ARHGAP24: variants seen among roughly 807,000 people sequenced by gnomAD.
ARHGAP24 encodes rho GTPase-activating protein 24.
Under a neutral mutation model 76.4 loss-of-function variants are expected in ARHGAP24, and 50 were observed. The observed-to-expected ratio is 0.65, with a 90% confidence interval of 0.52 to 0.83. The LOEUF (loss-of-function observed/expected upper bound fraction) is 0.83, where lower values mean the gene tolerates loss of function less well. Ranked by LOEUF, ARHGAP24 falls within the 40% of genes least tolerant of loss-of-function variation. The probability of loss-of-function intolerance (pLI) is 0.00; values close to 1 mark genes in which losing one functional copy is unlikely to be tolerated. For missense variants in ARHGAP24, 930 were observed against 914.2 expected, an observed-to-expected ratio of 1.02 and a Z score of -0.22; for synonymous variants, 345 against 323.3, an observed-to-expected ratio of 1.07 and a Z score of -0.72.
chr4:85,686,761 A>C (rs1260824945), intron 2 of ARHGAP24: 2 of 151,520 alleles, frequency 1.3e-5, no homozygotes, highest in Non-Finnish European at 2.9e-5. Flanking sequence ...TAGCATTACT[A>C]ATCAAAAGCC....
rs548168157 is a variant in ARHGAP24, at chr4:85,550,198, G to A, written c.-20-20324G>A. On this transcript the variant is annotated intron_variant, in intron 1 of 9. Coordinates refer to ENST00000395184, the MANE Select transcript of ARHGAP24 (RefSeq NM_001025616.3). ...CACCAAACTGCTTTTCACAATGGCC[G>A]AACAAATTTACATACCCACCATATG... 2.1e-3 allele frequency among the ~76,000 whole-genome samples: 317 copies of A among 152,222 alleles called. 2 individuals carry two copies. The highest frequency in any genetic ancestry group is 7.0e-3 in the African/African-American group (291 of 41,526).
chr4:85,887,731 G>A (rs551798436), intron 3 of ARHGAP24, among the ~76,000 whole-genome samples: 1 of 152,234 alleles, frequency 6.6e-6, no homozygotes, highest in African/African-American at 2.4e-5. Flanking sequence ...ATGCTTAGGT[G>A]AATTTTGATC....
intron 3 of ARHGAP24, among the ~76,000 whole-genome samples, chr4:85,846,977 T>G (rs1730929351): frequency 6.6e-6 from 1 of 152,208 alleles, no homozygotes; most frequent in Admixed American, 6.5e-5. Context: ...TATGTGTTCT[T>G]CTGAGAGATC....
In ARHGAP24 at chr4:85,581,144, T is replaced by C. The variant is rs1184579894; in HGVS notation, c.180+10423T>C. Among the ~76,000 whole-genome samples, 5 of 152,142 alleles carry C rather than the reference T, an allele frequency of 3.3e-5. No individual in the cohort carries two copies. In the East Asian group the frequency reaches 9.6e-4, roughly 29 times the overall value. ...ATAATATTCTATACTGCTTATGAGC[T>C]AGGTACCTTGCCATATACACAAATA... On this transcript the variant is annotated intron_variant, in intron 2 of 9. Transcript: ENST00000395184.
At chr4:85,655,120 G>A (rs949437007) in intron 2 of ARHGAP24, among the ~76,000 whole-genome samples, 1 of 151,880 alleles carries the variant, frequency 6.6e-6, no homozygotes, top group African/African-American at 2.4e-5. Flanking sequence ...CTCTTTTTAG[G>A]CTTATTTGGG....
At chr4:85,933,098 G>C (rs1008524136) in intron 4 of ARHGAP24, among the ~76,000 whole-genome samples, 2 of 152,114 alleles carry the variant, frequency 1.3e-5, no homozygotes, top group African/African-American at 2.4e-5. Context: ...AATCTCCTGG[G>C]TACTTAAGTG....
At chr4:85,926,349 CTT>C (rs1381092185) in intron 4 of ARHGAP24, among the ~76,000 whole-genome samples, 3 of 152,158 alleles carry the variant, frequency 2.0e-5, no homozygotes, top group Non-Finnish European at 4.4e-5. Context: ...CTCCTGCCCT[CTT>C]TGTTTAATAA....
chr4:85,746,324 G>A (rs527445585), intron 3 of ARHGAP24, among the ~76,000 whole-genome samples: 4 of 152,114 alleles, frequency 2.6e-5, no homozygotes, highest in Non-Finnish European at 5.9e-5. Flanking sequence ...CTTCTTTTGA[G>A]TATCTGACTG....
chr4:85,893,646 C>A (rs1304768225), intron 3 of ARHGAP24, among the ~76,000 whole-genome samples: 1 of 115,082 alleles, frequency 8.7e-6, no homozygotes, highest in Non-Finnish European at 1.7e-5. Flanking sequence ...ATATGAAATT[C>A]TGGGTTGAAA....
intron 2 of ARHGAP24, among the ~76,000 whole-genome samples, chr4:85,705,898 G>A (rs965174517): frequency 3.3e-5 from 5 of 151,150 alleles, no homozygotes; most frequent in African/African-American, 1.2e-4. Context: ...GAGGGGTCTG[G>A]AGGTTAATTT....
chr4:85,775,201 ATCT>A (rs10534722), intron 3 of ARHGAP24, among the ~76,000 whole-genome samples: 26,207 of 151,934 alleles, frequency 0.17, 3,074 homozygotes, highest in East Asian at 0.66. Flanking sequence ...TGGTCGGGAA[ATCT>A]TCTTTCTGAG....
At chr4:85,546,404 A>G (rs1560527277) in intron 1 of ARHGAP24, among the ~76,000 whole-genome samples, 1 of 152,198 alleles carries the variant, frequency 6.6e-6, no homozygotes, top group African/African-American at 2.4e-5. Flanking sequence ...TTTCTACTCT[A>G]CTTACTGCCC....
At chr4:85,925,511 A>G (rs1033591166) in intron 4 of ARHGAP24, among the ~76,000 whole-genome samples, 1 of 152,240 alleles carries the variant, frequency 6.6e-6, no homozygotes, top group Admixed American at 6.5e-5. Context: ...AAAAAGTTGT[A>G]TGCTAAGGTT....
At chr4:85,852,998 T>G (rs550723273) in intron 3 of ARHGAP24, among the ~76,000 whole-genome samples, 1 of 152,284 alleles carries the variant, frequency 6.6e-6, no homozygotes, top group East Asian at 1.9e-4. Context: ...GAACCACTGC[T>G]CTCTTCAGAG....
At chr4:85,825,712 A>C (rs1036686141) in intron 3 of ARHGAP24, among the ~76,000 whole-genome samples, 2 of 152,090 alleles carry the variant, frequency 1.3e-5, no homozygotes, top group Admixed American at 1.3e-4. Context: ...ATTCATTGTT[A>C]AAAAAAATCA....
chr4:85,853,212 C>T (rs12152604), intron 3 of ARHGAP24, among the ~76,000 whole-genome samples: 72,408 of 152,080 alleles, frequency 0.48, 18,751 homozygotes, highest in East Asian at 0.86. Flanking sequence ...CAGGCTGCCG[C>T]CTGGCAGTTC....
chr4:85,507,357 G>A (rs1244361763), intron 1 of ARHGAP24, among the ~76,000 whole-genome samples: 1 of 152,144 alleles, frequency 6.6e-6, no homozygotes, highest in Non-Finnish European at 1.5e-5. Flanking sequence ...GAATAGCTAG[G>A]ACTATAGGTG....
At chr4:85,695,507 T>C (rs955271455) in intron 2 of ARHGAP24, among the ~76,000 whole-genome samples, 1 of 152,218 alleles carries the variant, frequency 6.6e-6, no homozygotes, top group African/African-American at 2.4e-5. Context: ...GAGGTCTCTT[T>C]GTAAACTAGC....
intron 3 of ARHGAP24, among the ~76,000 whole-genome samples, chr4:85,888,376 G>A (rs11097080): frequency 0.81 from 118,279 of 146,604 alleles, 48,554 homozygotes; most frequent in Non-Finnish European, 0.9. Flanking sequence ...CTCCAGCCTG[G>A]GCAACAGAGC....
Sources: allele counts gnomAD v4.1 joint callset (sites outside exome capture counted in the v4.1 genomes callset), GRCh38; gene constraint gnomAD v4.1.1; transcripts MANE v1.5; gene names NCBI Gene and HGNC (gene_info 2026-07-23, HGNC 2026-07-21).